The following FHIP2A variants were observed in gnomAD, a reference collection of about 807,000 sequenced individuals.
The protein encoded by FHIP2A is FHF complex subunit HOOK interacting protein 2A.
A neutral mutation model predicts 93.5 loss-of-function variants in FHIP2A; 46 were observed. The ratio of observed to expected loss-of-function variants is 0.49; its 90% CI spans 0.39 to 0.63. The LOEUF (loss-of-function observed/expected upper bound fraction) is 0.63. Ranked by LOEUF, FHIP2A falls within the 20% of genes least tolerant of loss-of-function variation. The pLI, the probability that FHIP2A is intolerant of heterozygous loss-of-function variation, is 0.00. For missense variants in FHIP2A, 769 were observed against 909.7 expected, an observed-to-expected ratio of 0.85 and a Z score of 1.99; for synonymous variants, 332 against 326.5, an observed-to-expected ratio of 1.02 and a Z score of -0.18.
chr10:114,870,475 C>A (rs2083854085), intron 16 of FHIP2A, among the ~76,000 whole-genome samples: 1 of 152,144 alleles, frequency 6.6e-6, no homozygotes, highest in Non-Finnish European at 1.5e-5. Context: ...ACTCCACTTA[C>A]ACAAAGGCAG....
chr10:114,866,538 G>A (rs1031329635), downstream of FHIP2A, among the ~76,000 whole-genome samples: 1 of 152,170 alleles, frequency 6.6e-6, no homozygotes, highest in Non-Finnish European at 1.5e-5. Context: ...TTCTAAAAAT[G>A]TATCAGAAAT....
chr10:114,880,247 C>A (rs1278386600), intron 16 of FHIP2A, among the ~76,000 whole-genome samples: 1 of 152,150 alleles, frequency 6.6e-6, no homozygotes, highest in Non-Finnish European at 1.5e-5. Flanking sequence ...GAGAGCAGTG[C>A]TTCTTTTGGC....
At chr10:114,851,357 C>A (rs548897385) in intron 13 of FHIP2A, among the ~76,000 whole-genome samples, 1 of 152,170 alleles carries the variant, frequency 6.6e-6, no homozygotes, top group African/African-American at 2.4e-5. Context: ...TTTAGTTTAT[C>A]CATTTAGGTC....
Position 114,860,857 on chromosome 10 carries a change from G to A in FHIP2A, c.2056G>A (p.Gly686Ser). Residue 686 changes from glycine (G) to serine (S), a missense_variant, in exon 15 of 17, where the codon GGC (glycine) becomes AGC (serine). By Grantham distance (56) the Gly-to-Ser change is moderately conservative. Coordinates refer to ENST00000369248, the MANE Select transcript of FHIP2A (RefSeq NM_020940.4). ...GGATCCTTACGTGAACCTCGCTCCT[G>A]GCTGTAGATCTCTCTTCTCTGTAAT... ...LLDPYVNLAP[G>S]CRSLFSVIVR... 3.7e-6 allele frequency: 6 copies of A among 1,613,598 alleles called. No homozygotes were observed. Among genetic ancestry groups the A allele is most frequent in the Non-Finnish European group, 5.1e-6 (6 of 1,179,632 alleles).
At chr10:114,829,621 C>T (rs1358149828) in intron 1 of FHIP2A, among the ~76,000 whole-genome samples, 1 of 152,216 alleles carries the variant, frequency 6.6e-6, no homozygotes, top group Non-Finnish European at 1.5e-5. Flanking sequence ...GATATCGGAC[C>T]TGTGACCTCC....
chr10:114,836,278 G>A (rs2083636547), intron 5 of FHIP2A, 32 bp downstream of exon 5: 1 of 1,509,970 alleles, frequency 6.6e-7, no homozygotes, highest in Non-Finnish European at 9.1e-7. Flanking sequence ...CTTTCAAACT[G>A]TAGTTATATT....
At chr10:114,876,104 C>G (rs1009436900) in intron 16 of FHIP2A, among the ~76,000 whole-genome samples, 1 of 152,292 alleles carries the variant, frequency 6.6e-6, no homozygotes, top group East Asian at 1.9e-4. Flanking sequence ...CCCACCCTCC[C>G]GCTCACCAGC....
intron 13 of FHIP2A, among the ~76,000 whole-genome samples, chr10:114,851,322 A>G (rs1297071544): frequency 6.6e-6 from 1 of 152,122 alleles, no homozygotes; most frequent in Admixed American, 6.6e-5. Context: ...TTTTCACCTA[A>G]GTCTCTTTCT....
chr10:114,877,480 TAA>T (rs2083895457), intron 16 of FHIP2A, among the ~76,000 whole-genome samples: 1 of 152,080 alleles, frequency 6.6e-6, no homozygotes, highest in Non-Finnish European at 1.5e-5. Flanking sequence ...TAATTATATA[TAA>T]GTCTCAATCC....
chr10:114,848,809 C>A, intron 13 of FHIP2A, 72 bp downstream of exon 13: 2 of 929,162 alleles, frequency 2.2e-6, no homozygotes, highest in East Asian at 2.4e-5. Context: ...TCACACTGCC[C>A]ACCACCACTG....
chr10:114,849,414 T>C (rs925312709), intron 13 of FHIP2A, among the ~76,000 whole-genome samples: 3 of 152,168 alleles, frequency 2.0e-5, no homozygotes, highest in Non-Finnish European at 2.9e-5. Context: ...GATTCACAAG[T>C]ATAGTCCCTC....
chr10:114,860,877 T>G lies in FHIP2A; in HGVS notation c.2076T>G (p.Ser692=). ...NLAPGCRSLF[S]VIVRVVGDLM... Reference sequence around the variant, plus strand: ...CTCCTGGCTGTAGATCTCTCTTCTCTGTAATTGTCAGGGTGAGTTACTAGT... The same window carrying G: ...CTCCTGGCTGTAGATCTCTCTTCTCGGTAATTGTCAGGGTGAGTTACTAGT... The change falls in exon 15 of 17, where the codon TCT becomes TCG. Residue 692 remains serine, a synonymous_variant. Transcript: ENST00000369248. The G allele has an allele frequency of 6.2e-7, 1 of 1,613,706 alleles. No homozygotes were observed. Among genetic ancestry groups the G allele is most frequent in the Non-Finnish European group, 8.5e-7 (1 of 1,179,642 alleles).
intron 8 of FHIP2A, 34 bp from the exon 9 acceptor site, chr10:114,845,979 T>TA (rs754339367): frequency 0.024 from 28,264 of 1,189,846 alleles, 46 homozygotes; most frequent in African/African-American, 0.03. Context: ...TCTTTTATAT[T>TA]AAAAAAAAAA....
intron 1 of FHIP2A, among the ~76,000 whole-genome samples, chr10:114,822,524 A>C (rs1216356647): frequency 1.3e-5 from 2 of 152,132 alleles, no homozygotes; most frequent in African/African-American, 2.4e-5. Flanking sequence ...CTTCTCCGGA[A>C]AAAAAGTGGT....
chr10:114,827,761 C>T lies in FHIP2A; in HGVS notation c.46-3091C>T, dbSNP rs545371363. On this transcript the variant is annotated intron_variant, in intron 1 of 16. Coordinates refer to ENST00000369248, the MANE Select transcript of FHIP2A (RefSeq NM_020940.4). ...GCAGTGAGCCGAGATCACGCCACTG[C>T]ACTCCAGCCTGGGTGACAGAGCGAG... is the stretch of plus-strand genomic sequence containing the variant. 3.0e-3 allele frequency among the ~76,000 whole-genome samples: 420 copies of T among 140,002 alleles called. 2 individuals are homozygous for T. Among genetic ancestry groups the T allele is most frequent in the Admixed American group, 4.8e-3 (62 of 12,934 alleles). The allele number at this position is 140,002 out of a possible 152,430, so 91.8% of individuals were successfully genotyped here. A position where few individuals can be genotyped will look rare whatever the true frequency, so the allele number is the denominator to read the frequency against.
chr10:114,837,894 C>T (rs2083645312), intron 5 of FHIP2A, among the ~76,000 whole-genome samples: 1 of 152,202 alleles, frequency 6.6e-6, no homozygotes, highest in Non-Finnish European at 1.5e-5. Flanking sequence ...GGATGTACCA[C>T]AGTTGTTTAT....
intron 14 of FHIP2A, among the ~76,000 whole-genome samples, chr10:114,858,496 G>C (rs893333028): frequency 6.6e-6 from 1 of 151,676 alleles, no homozygotes; most frequent in Non-Finnish European, 1.5e-5. Context: ...TGCAGATGGC[G>C]AAATTTAGTG....
chr10:114,850,841 G>T (rs1367132403), intron 13 of FHIP2A, among the ~76,000 whole-genome samples: 1 of 152,132 alleles, frequency 6.6e-6, no homozygotes, highest in Non-Finnish European at 1.5e-5. Context: ...TCCCATCTGG[G>T]AGTTGCCTTT....
intron 16 of FHIP2A, among the ~76,000 whole-genome samples, chr10:114,877,279 C>A (rs1048212471): frequency 6.6e-6 from 1 of 152,100 alleles, no homozygotes. Context: ...CCACTGGGAA[C>A]GGCGCCGCCC....
Sources: gnomAD v4.1 joint callset for allele counts (sites outside exome capture counted in the v4.1 genomes callset) on GRCh38, gnomAD v4.1.1 for gene constraint, MANE v1.5 for transcripts, NCBI Gene and HGNC (gene_info 2026-07-23, HGNC 2026-07-21) for gene names.